CFAP20DC: variants seen among roughly 807,000 people sequenced by gnomAD.
CFAP20DC encodes CFAP20 domain containing, also known as protein CFAP20DC.
CFAP20DC carries 84 observed loss-of-function variants against 101.7 expected under a neutral mutation model. The observed-to-expected ratio is 0.83, with a 90% CI of 0.69 to 0.99. CFAP20DC has a LOEUF of 0.99. Among genes scored for constraint, CFAP20DC ranks in the 50% least tolerant of loss-of-function variants. The pLI is 0.00. For missense variants in CFAP20DC, 1,007 were observed against 970.3 expected, an observed-to-expected ratio of 1.04 and a Z score of -0.50; for synonymous variants, 359 against 351.2, an observed-to-expected ratio of 1.02 and a Z score of -0.25.
chr3:58,934,493 C>G (rs1415444923), intron 5 of CFAP20DC, among the ~76,000 whole-genome samples: 2 of 152,182 alleles, frequency 1.3e-5, no homozygotes, highest in Non-Finnish European at 2.9e-5. Context: ...AGACCAATAT[C>G]CTTGATGAAC....
At chr3:58,784,948 G>C (rs1308676436) in intron 15 of CFAP20DC, among the ~76,000 whole-genome samples, 1 of 152,052 alleles carries the variant, frequency 6.6e-6, no homozygotes, top group East Asian at 1.9e-4. Flanking sequence ...CAAAGGAAAA[G>C]AAATCAGTAT....
intron 14 of CFAP20DC, among the ~76,000 whole-genome samples, chr3:58,821,036 A>T (rs1422399363): frequency 6.6e-6 from 1 of 151,854 alleles, no homozygotes; most frequent in Non-Finnish European, 1.5e-5. Flanking sequence ...AAAAACAAGC[A>T]ATGGGGAAAG....
In CFAP20DC at chr3:58,849,087, T is replaced by G; in HGVS notation, c.1916A>C (p.Lys639Thr). Residue 639 changes from lysine to threonine, a missense_variant, in exon 13 of 17, where the codon AAA becomes ACA. By Grantham distance (78) the Lys-to-Thr change is moderately conservative. Coordinates refer to ENST00000482387, the MANE Select transcript of CFAP20DC (RefSeq NM_001394063.1). ...SAQQVPASLN[K>T]TSLKEISGER... is the part of the protein sequence containing the mutation. ...CCCTGAGATTTCTTTCAGGGAGGTT[T>G]TGTTTAGTGAAGCTGGCACTTGCTG... 4 of 1,536,094 alleles carry G rather than the reference T, an allele frequency of 2.6e-6. No homozygotes were observed.
intron 6 of CFAP20DC, among the ~76,000 whole-genome samples, chr3:58,886,641 G>C (rs1314491016): frequency 2.0e-5 from 3 of 152,048 alleles, no homozygotes; most frequent in Non-Finnish European, 1.5e-5. Flanking sequence ...GAGCCTGGGC[G>C]GTGGAGGCTG....
Position 58,773,290 on chromosome 3 carries a change from C to G in CFAP20DC, c.2238-19427G>C, listed in dbSNP as rs1057342525. Among the ~76,000 whole-genome samples the G allele has an allele frequency of 2.0e-5, 3 of 151,690 alleles. No homozygotes were observed. In the South Asian group the frequency reaches 6.2e-4, roughly 32 times the overall value. On this transcript the variant is annotated intron_variant, in intron 15 of 16. Transcript: ENST00000482387. ...ATTTGGCCAGGTGCAGTGGCTCATGCCTGTAATCCCAGCACTTTGGGAGGC... is the reference window on the plus strand; with the variant it reads ...ATTTGGCCAGGTGCAGTGGCTCATGGCTGTAATCCCAGCACTTTGGGAGGC...
chr3:58,970,112 T>C (rs770160092), intron 4 of CFAP20DC, among the ~76,000 whole-genome samples: 6 of 152,194 alleles, frequency 3.9e-5, no homozygotes, highest in Admixed American at 6.6e-5. Flanking sequence ...AAGGTATAGA[T>C]AAAATGAGAA....
At chr3:58,924,084 T>A (rs886739242) in intron 5 of CFAP20DC, among the ~76,000 whole-genome samples, 4 of 152,168 alleles carry the variant, frequency 2.6e-5, no homozygotes, top group African/African-American at 7.2e-5. Context: ...ATGCAAAAAA[T>A]TTTTTAAAAT....
rs963837813 is a variant in CFAP20DC at position 58,897,718 on chromosome 3, T to C, written c.551-13009A>G. 6.6e-6 allele frequency among the ~76,000 whole-genome samples: 1 copy of C among 152,256 alleles called. No homozygotes were observed. Among genetic ancestry groups the C allele is most frequent in the Non-Finnish European group, 1.5e-5 (1 of 68,038 alleles). Reference sequence around the variant, plus strand: ...GTTGAATTTGTTTCCCAATCTCTTCTGGCTTGTAGGGTTTCTGCTGGGAGT... The same window carrying C: ...GTTGAATTTGTTTCCCAATCTCTTCCGGCTTGTAGGGTTTCTGCTGGGAGT... On this transcript the variant is annotated intron_variant, in intron 6 of 16. Transcript: ENST00000482387. This position sits in a 1 kb window ranked among gnomAD's most constrained non-coding sequence, Gnocchi z 4.4.
At position 59,001,421 on chromosome 3, in the gene CFAP20DC, CTCTCT is replaced by C. The variant is rs1056114940; in HGVS notation, c.278+38131_278+38135del. 2.6e-5 allele frequency among the ~76,000 whole-genome samples: 4 copies of C among 152,044 alleles called. No homozygotes were observed. Among genetic ancestry groups the C allele is most frequent in the Non-Finnish European group, 4.4e-5 (3 of 67,984 alleles). On this transcript the variant is annotated intron_variant, in intron 4 of 16. Coordinates refer to ENST00000482387, the MANE Select transcript of CFAP20DC (RefSeq NM_001394063.1). This position sits in a 1 kb window ranked among gnomAD's most constrained non-coding sequence, Gnocchi z 4.5. ...CTCTCCCTCTCTCCTTCTCTCTCTC[CTCTCT>C]TAAGTTTCACACTTATTGTCCAGGC...
chr3:58,843,808 G>A (rs1215379789), intron 13 of CFAP20DC, among the ~76,000 whole-genome samples: 14 of 147,064 alleles, frequency 9.5e-5, no homozygotes, highest in South Asian at 4.6e-4. Flanking sequence ...GACTAACAGC[G>A]GATCTCTCGG....
At chr3:58,723,649 C>T (rs960278381) in intron 3 of CFAP20DC, among the ~76,000 whole-genome samples, 2 of 152,196 alleles carry the variant, frequency 1.3e-5, no homozygotes, top group African/African-American at 4.8e-5. Flanking sequence ...TGGTGACAGG[C>T]AGGTCTCTGC....
chr3:58,942,748 G>T (rs1336807520), intron 4 of CFAP20DC, among the ~76,000 whole-genome samples: 1 of 152,166 alleles, frequency 6.6e-6, no homozygotes, highest in Non-Finnish European at 1.5e-5. Context: ...CTGGAAAGGG[G>T]GTTAAAGCCA....
Position 59,049,994 on chromosome 3 carries a change from G to T in CFAP20DC, c.-363C>A, listed in dbSNP as rs895261340. The T allele has an allele frequency of 4.0e-6, 1 of 247,640 alleles. No individual in the cohort carries two copies. The highest frequency in any genetic ancestry group is 7.8e-6 in the Non-Finnish European group (1 of 128,956). The allele number at this position is 247,640 out of a possible 1,614,324, so 15.3% of individuals were successfully genotyped here. On this transcript the variant is annotated 5_prime_UTR_variant, in exon 1 of 17. Transcript: ENST00000482387. Reference sequence around the variant, plus strand: ...CCGCCCGCTGGCCTAGGAAAAGCGGGCGCGCTCCCGCTGCCGCCCCACCCC... The same window carrying T: ...CCGCCCGCTGGCCTAGGAAAAGCGGTCGCGCTCCCGCTGCCGCCCCACCCC...
intron 6 of CFAP20DC, among the ~76,000 whole-genome samples, chr3:58,906,308 A>G (rs12497153): frequency 0.055 from 8,306 of 152,208 alleles, 368 homozygotes; most frequent in Admixed American, 0.13. Context: ...GTCCTATACT[A>G]TGTTATCCTT....
Position 58,859,608 on chromosome 3 carries a change from T to C in CFAP20DC, c.1593+3950A>G, listed in dbSNP as rs912681591. ...AGAGAAGAGCTTCAATAGATAATAA[T>C]AAAGACATGTAGATGTGAACAGCCT... On this transcript the variant is annotated intron_variant, in intron 12 of 16. Coordinates refer to ENST00000482387, the MANE Select transcript of CFAP20DC (RefSeq NM_001394063.1). This position sits in a 1 kb window ranked among gnomAD's most constrained non-coding sequence, Gnocchi z 4.1. 2.0e-5 allele frequency among the ~76,000 whole-genome samples: 3 copies of C among 152,114 alleles called. No individual in the cohort carries two copies. Among genetic ancestry groups the C allele is most frequent in the Non-Finnish European group, 2.9e-5 (2 of 68,024 alleles).
Position 59,047,251 on chromosome 3 carries a change from C to T in CFAP20DC, c.25G>A (p.Gly9Ser). MFKNEYQG[G>S]AFVEIFSAQG... ...GCACTGAAAATTTCAACAAATGCACCTCCCTAGAAAATGAAAATAAAATAT... is the reference window on the plus strand; with the variant it reads ...GCACTGAAAATTTCAACAAATGCACTTCCCTAGAAAATGAAAATAAAATAT... The change falls in exon 2 of 17, where the codon GGT becomes AGT. Residue 9 changes from glycine to serine, a missense_variant. Gly to Ser is a moderately conservative substitution (Grantham distance 56). Transcript: ENST00000482387. 1.3e-6 allele frequency: 2 copies of T among 1,528,614 alleles called. No homozygotes were observed. The highest frequency in any genetic ancestry group is 1.2e-5 in the South Asian group (1 of 83,824). The allele number at this position is 1,528,614 out of a possible 1,614,324, so 94.7% of individuals were successfully genotyped here.
At chr3:58,735,394 G>C (rs2067729167) in intron 3 of CFAP20DC, among the ~76,000 whole-genome samples, 1 of 152,214 alleles carries the variant, frequency 6.6e-6, no homozygotes, top group Non-Finnish European at 1.5e-5. Flanking sequence ...AAGGCAAGTT[G>C]TCAGAACATT....
chr3:59,042,871 C>T (rs528300804), intron 3 of CFAP20DC, among the ~76,000 whole-genome samples: 2 of 152,162 alleles, frequency 1.3e-5, no homozygotes, highest in South Asian at 4.1e-4. Flanking sequence ...AAACATAGTG[C>T]CAACAAGACC....
intron 15 of CFAP20DC, among the ~76,000 whole-genome samples, chr3:58,763,317 C>G (rs2069862755): frequency 6.6e-6 from 1 of 152,218 alleles, no homozygotes; most frequent in Non-Finnish European, 1.5e-5. Context: ...CCCTTTCTTC[C>G]AGTTGATCGA....
Sources: allele counts gnomAD v4.1 joint callset (sites outside exome capture counted in the v4.1 genomes callset), GRCh38; gene constraint gnomAD v4.1.1; non-coding constraint Gnocchi (gnomAD v3.1); transcripts MANE v1.5; gene names NCBI Gene and HGNC (gene_info 2026-07-23, HGNC 2026-07-21).